ESR2: variants seen among roughly 807,000 people sequenced by gnomAD.
ESR2 encodes the protein estrogen receptor beta.
ESR2 carries 36 observed loss-of-function variants against 49.6 expected under a neutral mutation model. The ratio of observed to expected loss-of-function variants is 0.73; its 90% CI spans 0.56 to 0.96. The LOEUF is 0.96. ESR2 is among the 40% of genes least tolerant of loss of function. The probability of loss-of-function intolerance (pLI) is 0.00; values close to 1 mark genes in which losing one functional copy is unlikely to be tolerated. For synonymous variants in ESR2, 320 were observed against 266.1 expected, an observed-to-expected ratio of 1.20 and a Z score of -1.97; for missense variants, 714 against 693.0, an observed-to-expected ratio of 1.03 and a Z score of -0.34.
chr14:64,306,097 T>C (rs1221725129), intron 1 of ESR2, among the ~76,000 whole-genome samples: 1 of 151,420 alleles, frequency 6.6e-6, no homozygotes, highest in Non-Finnish European at 1.5e-5. Context: ...TAATACCAGC[T>C]ACTCGGGAGG....
chr14:64,332,555 C>T (rs1013393767), intron 1 of ESR2, among the ~76,000 whole-genome samples: 4 of 152,084 alleles, frequency 2.6e-5, no homozygotes, highest in Admixed American at 1.3e-4. Flanking sequence ...AATCCCAGCA[C>T]TTTGGGAGGC....
At chr14:64,260,934 A>G (rs2076208662) in intron 4 of ESR2, among the ~76,000 whole-genome samples, 186 bp from the exon 5 acceptor site, 2 of 152,116 alleles carry the variant, frequency 1.3e-5, no homozygotes, top group African/African-American at 4.8e-5. Context: ...CAGGTCATCT[A>G]TAGATACTAA....
At chr14:64,295,436 C>G (rs1159817671), upstream of ESR2, among the ~76,000 whole-genome samples, 4 of 152,096 alleles carry the variant, frequency 2.6e-5, no homozygotes, top group African/African-American at 9.7e-5. Context: ...AAGACAGGCT[C>G]CAAAGATGGA....
At chr14:64,312,603 A>G (rs142682331) in intron 1 of ESR2, among the ~76,000 whole-genome samples, 93 of 152,342 alleles carry the variant, frequency 6.1e-4, no homozygotes, top group African/African-American at 2.0e-3. Flanking sequence ...CTTACAGACT[A>G]AGCATTTTTA....
intron 1 of ESR2, among the ~76,000 whole-genome samples, chr14:64,304,894 T>A (rs977289049): frequency 1.2e-4 from 18 of 151,568 alleles, no homozygotes; most frequent in South Asian, 1.0e-3. Flanking sequence ...AAACAAACAA[T>A]AAATAAATAA....
intron 1 of ESR2, among the ~76,000 whole-genome samples, chr14:64,320,378 C>A (rs919053738): frequency 6.6e-6 from 1 of 151,170 alleles, no homozygotes. Flanking sequence ...TAAGCCTGGG[C>A]AACATAGCGA....
At chr14:64,268,226 T>C (rs1421708948) in intron 4 of ESR2, among the ~76,000 whole-genome samples, 1 of 152,252 alleles carries the variant, frequency 6.6e-6, no homozygotes, top group African/African-American at 2.4e-5. Context: ...CACATATGTA[T>C]ACACCTATGA....
In ESR2 at chr14:64,282,905, G is replaced by A. The variant is rs145033525; in HGVS notation, c.81C>T (p.His27=). 8.8e-4 allele frequency: 1,412 copies of A among 1,613,324 alleles called. 1 individual carries two copies. Among genetic ancestry groups the A allele is most frequent in the Non-Finnish European group, 1.1e-3 (1,278 of 1,179,218 alleles). Residue 27 remains histidine (H), a synonymous_variant, in exon 2 of 9, where the codon CAC becomes CAT. Coordinates refer to ENST00000341099, the MANE Select transcript of ESR2 (RefSeq NM_001437.3). ...AGGAGGAAGGTATGTATATGGAGCC[G>A]TGCTCCAGGGGTAAGATGGATTGAC... is the stretch of plus-strand genomic sequence containing the variant. ...NCSQSILPLE[H]GSIYIPSSYV...
intron 7 of ESR2, among the ~76,000 whole-genome samples, chr14:64,248,708 T>C (rs1255732938): frequency 6.6e-6 from 1 of 152,096 alleles, no homozygotes; most frequent in Non-Finnish European, 1.5e-5. Context: ...CTAGACACCT[T>C]ATTTCCCTCC....
intron 3 of ESR2, among the ~76,000 whole-genome samples, chr14:64,274,868 G>T (rs913811046): frequency 3.9e-5 from 6 of 152,108 alleles, no homozygotes; most frequent in African/African-American, 1.4e-4. Context: ...CACACTGGTT[G>T]TTCAGGAGTA....
chr14:64,276,398 T>C (rs900359192), intron 3 of ESR2, among the ~76,000 whole-genome samples: 2 of 152,148 alleles, frequency 1.3e-5, no homozygotes, highest in Non-Finnish European at 2.9e-5. Flanking sequence ...GAGAAGCAAA[T>C]TGAAACCAAA....
intron 1 of ESR2, among the ~76,000 whole-genome samples, chr14:64,302,464 G>A (rs1354261907): frequency 6.6e-6 from 1 of 152,018 alleles, no homozygotes. Flanking sequence ...TGGGATTACA[G>A]GTGTGAGGCA....
chr14:64,307,781 G>T (rs988862459), intron 1 of ESR2, among the ~76,000 whole-genome samples: 7 of 152,010 alleles, frequency 4.6e-5, no homozygotes, highest in African/African-American at 7.2e-5. Flanking sequence ...TGATCCACCC[G>T]CCTCGGCCTC....
intron 3 of ESR2, among the ~76,000 whole-genome samples, chr14:64,270,919 GT>G (rs1263641436): frequency 6.6e-6 from 1 of 152,198 alleles, no homozygotes; most frequent in Non-Finnish European, 1.5e-5. Context: ...GCACTTCCAT[GT>G]TTGTTGCAGC....
chr14:64,265,284 A>C (rs1459623598), intron 4 of ESR2, among the ~76,000 whole-genome samples: 4 of 152,224 alleles, frequency 2.6e-5, no homozygotes, highest in Non-Finnish European at 5.9e-5. Context: ...CGTAGTGATA[A>C]ATGACACTAA....
intron 8 of ESR2, 109 bp from the exon 9 acceptor site, chr14:64,233,432 C>T: frequency 9.9e-7 from 1 of 1,010,156 alleles, no homozygotes; most frequent in Non-Finnish European, 1.5e-6. Context: ...ACCCCTAAAC[C>T]CACTCTTCCC....
intron 1 of ESR2, among the ~76,000 whole-genome samples, chr14:64,287,128 C>T (rs1017181454): frequency 1.3e-5 from 2 of 151,798 alleles, no homozygotes; most frequent in African/African-American, 4.8e-5. Flanking sequence ...AGGATATTCA[C>T]ATTATTGTGC....
In ESR2 at chr14:64,229,899, C is replaced by A. The variant is rs1429464966; in HGVS notation, c.*3238G>T. Among the ~76,000 whole-genome samples, 1 of 151,932 alleles carries A rather than the reference C, an allele frequency of 6.6e-6. No individual in the cohort carries two copies. Among genetic ancestry groups the A allele is most frequent in the Non-Finnish European group, 1.5e-5 (1 of 67,972 alleles). On this transcript the variant is annotated 3_prime_UTR_variant, in exon 9 of 9. Transcript: ENST00000341099. ...CAACTTAAAAAAAAATGTGGCGGGG[C>A]TGGGCACAGTGGCTCATGCCTGTAA...
intron 7 of ESR2, among the ~76,000 whole-genome samples, chr14:64,244,072 TGA>T (rs2140655758): frequency 6.6e-6 from 1 of 151,918 alleles, no homozygotes; most frequent in African/African-American, 2.4e-5. Flanking sequence ...GGTATGTCTG[TGA>T]GAGTGTTCCA....
Sources: gnomAD v4.1 joint callset for allele counts (sites outside exome capture counted in the v4.1 genomes callset) on GRCh38, gnomAD v4.1.1 for gene constraint, MANE v1.5 for transcripts, NCBI Gene and HGNC (gene_info 2026-07-23, HGNC 2026-07-21) for gene names.